Variants in TNS1 observed in about 807,000 individuals in gnomAD.
TNS1 encodes the protein tensin-1.
A neutral mutation model predicts 168.6 loss-of-function variants in TNS1; 62 were observed. That is an observed-to-expected ratio of 0.37 (90% CI 0.30 to 0.45). The LOEUF is 0.45. Ranked by LOEUF, TNS1 falls within the 20% of genes least tolerant of loss-of-function variation. The pLI, the probability that TNS1 is intolerant of heterozygous loss-of-function variation, is 1.00. For missense variants in TNS1, 2,240 were observed against 2,339.4 expected, an observed-to-expected ratio of 0.96 and a Z score of 0.88; for synonymous variants, 934 against 933.2, an observed-to-expected ratio of 1.00 and a Z score of -0.02.
intron 3 of TNS1, among the ~76,000 whole-genome samples, chr2:217,926,262 C>T (rs1369560411): frequency 1.3e-5 from 2 of 152,176 alleles, no homozygotes; most frequent in Non-Finnish European, 2.9e-5. Context: ...AGTCACCCGG[C>T]GTATGGTATT....
chr2:217,820,821 A>G (rs1050740398), intron 23 of TNS1, among the ~76,000 whole-genome samples: 9 of 152,008 alleles, frequency 5.9e-5, no homozygotes, highest in Non-Finnish European at 1.2e-4. Flanking sequence ...GCCTGTCAGC[A>G]GGGACTGTCA....
At chr2:218,015,231 C>G (rs1410187011), upstream of TNS1, among the ~76,000 whole-genome samples, 2 of 152,102 alleles carry the variant, frequency 1.3e-5, no homozygotes, top group African/African-American at 4.8e-5. Flanking sequence ...AAAGTGACTG[C>G]CAGGGGTCAC....
intron 18 of TNS1, among the ~76,000 whole-genome samples, chr2:217,852,860 C>T (rs1316280458): frequency 2.6e-5 from 4 of 152,198 alleles, no homozygotes; most frequent in Non-Finnish European, 5.9e-5. Flanking sequence ...ATGGAAATGT[C>T]TCTTGGCCCC....
At chr2:217,912,223 A>G (rs1299950915) in intron 4 of TNS1, among the ~76,000 whole-genome samples, 1 of 152,186 alleles carries the variant, frequency 6.6e-6, no homozygotes, top group African/African-American at 2.4e-5. Context: ...GGGCTGGGAA[A>G]AATGTATCTG....
chr2:218,018,785 A>G (rs1166918768), intron 1 of TNS1, among the ~76,000 whole-genome samples: 1 of 152,202 alleles, frequency 6.6e-6, no homozygotes, highest in South Asian at 2.1e-4. Flanking sequence ...TGGCCTGGAA[A>G]TCGATGAATT....
chr2:217,805,618 C>CACA (rs1938737855), intron 32 of TNS1, among the ~76,000 whole-genome samples: 1 of 58,086 alleles, frequency 1.7e-5, no homozygotes, highest in Non-Finnish European at 3.7e-5. Flanking sequence ...ACACCACACA[C>CACA]ATACACACCA....
At position 217,848,184 on chromosome 2, in the gene TNS1, T is replaced by A; in HGVS notation, c.2333A>T (p.Gln778Leu). The change falls in exon 19 of 33, where the codon CAG becomes CTG. Residue 778 changes from glutamine to leucine, a missense_variant. Gln to Leu is a moderately radical substitution (Grantham distance 113). Transcript: ENST00000682258. ...VQRGLNSWQQQQQQQQQPRPP... is the reference protein window; with the variant it reads ...VQRGLNSWQQLQQQQQQPRPP... ...GCGAGGCTGCTGCTGCTGCTGCTGC[T>A]GCTGCTGCCACGAATTCAGTCCCCT... The A allele has an allele frequency of 6.2e-7, 1 of 1,604,864 alleles. No homozygotes were observed.
intron 1 of TNS1, among the ~76,000 whole-genome samples, chr2:217,991,685 C>G (rs187320071): frequency 7.2e-5 from 11 of 151,838 alleles, no homozygotes; most frequent in Admixed American, 6.6e-4. Flanking sequence ...GTAGATGCAG[C>G]AGGTTTATTT....
intron 3 of TNS1, among the ~76,000 whole-genome samples, chr2:217,973,368 A>G (rs954307153): frequency 2.7e-5 from 1 of 36,832 alleles, no homozygotes; most frequent in African/African-American, 1.1e-4. Flanking sequence ...CCTGTCTCTG[A>G]AAAAAAAAAA....
chr2:217,908,302 C>G (rs377148704), intron 4 of TNS1, among the ~76,000 whole-genome samples: 8 of 152,288 alleles, frequency 5.3e-5, no homozygotes, highest in East Asian at 1.9e-4. Context: ...AGAAGAGAAA[C>G]TTCTTATGCC....
At chr2:217,886,344 C>T (rs1199636448) in intron 13 of TNS1, among the ~76,000 whole-genome samples, 190 bp downstream of exon 13, 1 of 152,208 alleles carries the variant, frequency 6.6e-6, no homozygotes, top group African/African-American at 2.4e-5. Flanking sequence ...CATCATTGGC[C>T]AGCAGGCACT....
rs918781656 is a variant in TNS1 at position 217,849,053 on chromosome 2, C to G, written c.1464G>C (p.Gly488=). ...VVGHTQGPLD[G]SLYAKVKKKD... is the part of the protein sequence containing the mutation. ...TCTTCTTCACCTTAGCATACAGGCT[C>G]CCATCTAGTGGCCCCTGCGTGTGTC... Residue 488 remains glycine, a synonymous_variant, in exon 19 of 33, where the codon GGG becomes GGC. Transcript: ENST00000682258. 3.7e-6 allele frequency: 6 copies of G among 1,613,176 alleles called. No individual in the cohort carries two copies. Among genetic ancestry groups the G allele is most frequent in the South Asian group, 3.3e-5 (3 of 91,052 alleles).
At chr2:218,001,424 T>C (rs559872720) in intron 1 of TNS1, among the ~76,000 whole-genome samples, 1 of 152,206 alleles carries the variant, frequency 6.6e-6, no homozygotes, top group Non-Finnish European at 1.5e-5. Flanking sequence ...GCTGAAGGGA[T>C]CTATAGAGCC....
At chr2:217,890,648 A>G in intron 12 of TNS1, 1 of 405,788 alleles carries the variant, frequency 2.5e-6, no homozygotes, top group South Asian at 3.0e-5. Context: ...TCCAGGGCCA[A>G]GAACAGCACA....
At position 217,922,110 on chromosome 2, in the gene TNS1, G is replaced by C. The variant is rs553919960; in HGVS notation, c.187-1874C>G. Among the ~76,000 whole-genome samples the C allele has an allele frequency of 4.6e-5, 7 of 152,326 alleles. No individual in the cohort carries two copies. In the East Asian group the frequency reaches 1.4e-3, roughly 29 times the overall value. On this transcript the variant is annotated intron_variant, in intron 3 of 32. Transcript: ENST00000682258. ...GGCTATGAGTGATTGTTTTAGAAGA[G>C]GCCTCTGAGAGACAGAGCCCAGGGC... is the stretch of plus-strand genomic sequence containing the variant.
At chr2:217,808,293 G>A (rs1318853388) in intron 31 of TNS1, among the ~76,000 whole-genome samples, 186 bp from the exon 32 acceptor site, 1 of 151,744 alleles carries the variant, frequency 6.6e-6, no homozygotes, top group Non-Finnish European at 1.5e-5. Context: ...TGCATTCAAG[G>A]TCGAGAGAAC....
At chr2:217,952,530 C>G (rs957468795) in intron 3 of TNS1, among the ~76,000 whole-genome samples, 1 of 152,198 alleles carries the variant, frequency 6.6e-6, no homozygotes, top group African/African-American at 2.4e-5. Flanking sequence ...TCAGCAGGCC[C>G]AGCCTGGTGA....
At chr2:217,829,704 G>T (rs550852106) in intron 22 of TNS1, 2 of 933,602 alleles carry the variant, frequency 2.1e-6, no homozygotes, top group African/African-American at 1.6e-5. Context: ...ACCAAGCGTT[G>T]GGGGACAGGA....
chr2:217,997,626 G>A (rs1345123543), intron 1 of TNS1, among the ~76,000 whole-genome samples: 1 of 152,202 alleles, frequency 6.6e-6, no homozygotes, highest in African/African-American at 2.4e-5. Flanking sequence ...AGTACTTGCT[G>A]CAGTCTAACG....
Sources: allele counts gnomAD v4.1 joint callset (sites outside exome capture counted in the v4.1 genomes callset), GRCh38; gene constraint gnomAD v4.1.1; transcripts MANE v1.5; gene names NCBI Gene and HGNC (gene_info 2026-07-23, HGNC 2026-07-21).